TMEM62: variants seen among roughly 807,000 people sequenced by gnomAD.
The protein encoded by TMEM62 is transmembrane protein 62.
Under a neutral mutation model 70.4 loss-of-function variants are expected in TMEM62, and 41 were observed. The ratio of observed to expected loss-of-function variants is 0.58; its 90% CI spans 0.45 to 0.76. The LOEUF is 0.76. TMEM62 is among the 30% of genes least tolerant of loss of function. The pLI is 0.00. For synonymous variants in TMEM62, 268 were observed against 291.0 expected, an observed-to-expected ratio of 0.92 and a Z score of 0.80; for missense variants, 688 against 788.5, an observed-to-expected ratio of 0.87 and a Z score of 1.53.
intron 11 of TMEM62, among the ~76,000 whole-genome samples, chr15:43,176,404 AC>A (rs1295569653): frequency 1.3e-5 from 2 of 152,032 alleles, no homozygotes; most frequent in Admixed American, 6.6e-5. Context: ...CTGACCCCTG[AC>A]CCCCGAGCAG....
rs1335378982 is a variant in TMEM62 at position 43,149,020 on chromosome 15, A to T, written c.744-9A>T. 6.2e-7 allele frequency: 1 copy of T among 1,612,346 alleles called. No individual in the cohort carries two copies. The highest frequency in any genetic ancestry group is 2.2e-5 in the East Asian group (1 of 44,830). ...TGTTCATTTATTTCATTTATTTTTCATTGGTTAGTTCGGCTATAGCTTATT... is the reference window on the plus strand; with the variant it reads ...TGTTCATTTATTTCATTTATTTTTCTTTGGTTAGTTCGGCTATAGCTTATT... On this transcript the variant is annotated splice_polypyrimidine_tract_variant and intron_variant, in intron 6 of 13. Transcript: ENST00000260403.
chr15:43,161,730 G>A lies in TMEM62; in HGVS notation c.1296+936G>A, dbSNP rs958524304. Reference sequence around the variant, plus strand: ...GGCTGGAGTGCAATAGTGCCATCTCGGCTCACTGCAACCTCCACCTCCTGG... The same window carrying A: ...GGCTGGAGTGCAATAGTGCCATCTCAGCTCACTGCAACCTCCACCTCCTGG... On this transcript the variant is annotated intron_variant, in intron 10 of 13. Transcript: ENST00000260403. Among the ~76,000 whole-genome samples the A allele has an allele frequency of 2.0e-5, 3 of 152,018 alleles. 1 individual carries two copies. The highest frequency in any genetic ancestry group is 4.2e-4 in the South Asian group (2 of 4,814).
Position 43,134,101 on chromosome 15 carries a change from A to T in TMEM62, c.180+119A>T, listed in dbSNP as rs1056826420. 9 of 1,431,802 alleles carry T rather than the reference A, an allele frequency of 6.3e-6. No homozygotes were observed. In the African/African-American group the frequency reaches 1.3e-4, roughly 20 times the overall value. The allele number at this position is 1,431,802 out of a possible 1,614,324, so 88.7% of individuals were successfully genotyped here. On this transcript the variant is annotated intron_variant, in intron 1 of 13. Transcript: ENST00000260403. ...GGGACCTCAGTCAGATTGTAACTCG[A>T]GGCTCTGTCTAGTGCTGGCCCTGTC...
At chr15:43,162,438 T>C (rs1235864735) in intron 10 of TMEM62, among the ~76,000 whole-genome samples, 2 of 149,956 alleles carry the variant, frequency 1.3e-5, no homozygotes, top group African/African-American at 2.5e-5. Flanking sequence ...TGGCCCTTTT[T>C]TTTTTTTTGT....
chr15:43,164,608 C>T (rs895127040), intron 10 of TMEM62, among the ~76,000 whole-genome samples: 10 of 152,088 alleles, frequency 6.6e-5, no homozygotes, highest in African/African-American at 2.4e-4. Flanking sequence ...AATCCTCCTG[C>T]CTCGGCCTCC....
At chr15:43,148,984 C>T (rs751490324) in intron 6 of TMEM62, 45 bp from the exon 7 acceptor site, 18 of 1,610,376 alleles carry the variant, frequency 1.1e-5, no homozygotes, top group East Asian at 6.7e-5. Context: ...TTTGGCCTCA[C>T]GCGTTATCTT....
At chr15:43,158,717 C>T (rs2038323079) in intron 9 of TMEM62, among the ~76,000 whole-genome samples, 2 of 152,076 alleles carry the variant, frequency 1.3e-5, no homozygotes, top group African/African-American at 4.8e-5. Context: ...ATTTGGTACC[C>T]AGATATAAAG....
At chr15:43,140,012 G>A (rs1193358302) in intron 4 of TMEM62, among the ~76,000 whole-genome samples, 1 of 152,200 alleles carries the variant, frequency 6.6e-6, no homozygotes, top group Non-Finnish European at 1.5e-5. Context: ...TATAGCTAGA[G>A]AAAAGTCAAT....
At chr15:43,174,815 A>G (rs1031975595) in intron 11 of TMEM62, among the ~76,000 whole-genome samples, 4 of 152,252 alleles carry the variant, frequency 2.6e-5, no homozygotes, top group Admixed American at 2.6e-4. Context: ...TGAAATTTCA[A>G]TAGCTATAAC....
chr15:43,178,877 A>C (rs1037818815), intron 12 of TMEM62, among the ~76,000 whole-genome samples, 166 bp downstream of exon 12: 3 of 152,328 alleles, frequency 2.0e-5, no homozygotes, highest in Non-Finnish European at 4.4e-5. Context: ...AACATGTTTA[A>C]AGGACATTTA....
At chr15:43,162,944 T>C (rs1427339815) in intron 10 of TMEM62, among the ~76,000 whole-genome samples, 2 of 151,614 alleles carry the variant, frequency 1.3e-5, no homozygotes, top group Non-Finnish European at 2.9e-5. Context: ...ACATAAATTA[T>C]TTATTATTTA....
intron 13 of TMEM62, 187 bp from the exon 14 acceptor site, chr15:43,184,073 A>C: frequency 3.3e-6 from 2 of 605,254 alleles, no homozygotes; most frequent in Non-Finnish European, 5.8e-6. Flanking sequence ...TAAGATGAAT[A>C]AAAGGACATG....
chr15:43,137,222 A>T (rs764790388), intron 3 of TMEM62, among the ~76,000 whole-genome samples: 1 of 152,222 alleles, frequency 6.6e-6, no homozygotes, highest in Non-Finnish European at 1.5e-5. Context: ...TTTATTAGCT[A>T]AGTACTTCAT....
At chr15:43,147,183 C>T (rs1189091389) in intron 5 of TMEM62, among the ~76,000 whole-genome samples, 1 of 152,104 alleles carries the variant, frequency 6.6e-6, no homozygotes, top group Non-Finnish European at 1.5e-5. Flanking sequence ...AGGGTGGTCT[C>T]GAACTCCTGA....
rs753831266 is a variant in TMEM62, at chr15:43,134,387, C to T, written c.292+19C>T. ...GCAACAGGTAGGGAGGCTTGCCGTG[C>T]TGTGGTGGTGGTCTGTGGTCCGCAT... On this transcript the variant is annotated intron_variant, in intron 2 of 13. Transcript: ENST00000260403. 3 of 1,587,058 alleles carry T rather than the reference C, an allele frequency of 1.9e-6. No homozygotes were observed. Among genetic ancestry groups the T allele is most frequent in the Non-Finnish European group, 1.7e-6 (2 of 1,156,434 alleles).
At chr15:43,134,825 T>C (rs2034982785) in intron 2 of TMEM62, among the ~76,000 whole-genome samples, 1 of 152,238 alleles carries the variant, frequency 6.6e-6, no homozygotes, top group Admixed American at 6.5e-5. Flanking sequence ...TTCTTCATCC[T>C]TTGATAGTTT....
intron 9 of TMEM62, 79 bp from the exon 10 acceptor site, chr15:43,160,602 C>A: frequency 2.8e-6 from 2 of 716,728 alleles, no homozygotes; most frequent in East Asian, 2.9e-5. Context: ...TTATTAGAAA[C>A]CTATTCTTAT....
chr15:43,154,598 CA>C, intron 8 of TMEM62, 73 bp from the exon 9 acceptor site: 1 of 1,366,182 alleles, frequency 7.3e-7, no homozygotes, highest in Admixed American at 2.3e-5. Context: ...CTGCAAGTTA[CA>C]ATAAGGTTAT....
intron 10 of TMEM62, among the ~76,000 whole-genome samples, chr15:43,161,783 C>T (rs1242150916): frequency 6.6e-6 from 1 of 152,078 alleles, no homozygotes; most frequent in Non-Finnish European, 1.5e-5. Flanking sequence ...GCCTCAGCCT[C>T]CTGAGTAGCT....
Sources: allele counts gnomAD v4.1 joint callset (sites outside exome capture counted in the v4.1 genomes callset), GRCh38; gene constraint gnomAD v4.1.1; transcripts MANE v1.5; gene names NCBI Gene and HGNC (gene_info 2026-07-23, HGNC 2026-07-21).